The following ARHGAP25 variants were observed in gnomAD, a reference collection of about 807,000 sequenced individuals.
ARHGAP25 encodes Rho GTPase activating protein 25, also known as rho GTPase-activating protein 25.
ARHGAP25 carries 34 observed loss-of-function variants against 71.0 expected under a neutral mutation model. The observed-to-expected ratio is 0.48, with a 90% CI of 0.36 to 0.64. The LOEUF (loss-of-function observed/expected upper bound fraction) is 0.64, where lower values mean the gene tolerates loss of function less well. ARHGAP25 is among the 30% of genes least tolerant of loss of function. The pLI is 0.00. For synonymous variants in ARHGAP25, 282 were observed against 296.5 expected (o/e 0.95, Z 0.50); for missense variants, 706 against 805.1 (o/e 0.88, Z 1.49).
intron 4 of ARHGAP25, among the ~76,000 whole-genome samples, chr2:68,789,075 C>A (rs943401004): frequency 5.3e-5 from 8 of 151,892 alleles, no homozygotes; most frequent in African/African-American, 1.9e-4. Flanking sequence ...GTCTGTCGCC[C>A]AGGATGGAGT....
At chr2:68,776,675 A>G (rs1263968364) in intron 2 of ARHGAP25, among the ~76,000 whole-genome samples, 6 of 152,124 alleles carry the variant, frequency 3.9e-5, no homozygotes, top group African/African-American at 9.7e-5. Context: ...TTACGCCAGG[A>G]CCCCAGGTGC....
intron 2 of ARHGAP25, among the ~76,000 whole-genome samples, chr2:68,718,163 A>G (rs1052265602): frequency 4.0e-5 from 6 of 151,184 alleles, no homozygotes; most frequent in Admixed American, 2.0e-4. Context: ...AAAAAAAAGT[A>G]TCTTCTTTGC....
chr2:68,750,178 T>TG (rs1346612603), intron 1 of ARHGAP25, among the ~76,000 whole-genome samples: 3 of 149,960 alleles, frequency 2.0e-5, no homozygotes, highest in Non-Finnish European at 4.4e-5. Context: ...GGCTGATTTT[T>TG]TTTTTTTTCT....
At chr2:68,793,740 GTTTC>G (rs1437254908) in intron 4 of ARHGAP25, among the ~76,000 whole-genome samples, 1 of 151,746 alleles carries the variant, frequency 6.6e-6, no homozygotes, top group African/African-American at 2.4e-5. Flanking sequence ...TTTGCTTAGG[GTTTC>G]TTTGGCTATT....
intron 4 of ARHGAP25, among the ~76,000 whole-genome samples, chr2:68,789,983 G>GATT (rs79091177): frequency 0.011 from 1,732 of 151,946 alleles, 26 homozygotes; most frequent in Non-Finnish European, 0.012. Flanking sequence ...CAGCATCTCA[G>GATT]ATTATTATTA....
intron 2 of ARHGAP25, among the ~76,000 whole-genome samples, chr2:68,782,027 C>G (rs574082937): frequency 1.3e-5 from 2 of 152,148 alleles, no homozygotes; most frequent in Non-Finnish European, 2.9e-5. Flanking sequence ...CTCTGGGCAC[C>G]TGATTTGCTC....
intron 2 of ARHGAP25, among the ~76,000 whole-genome samples, chr2:68,714,478 A>G (rs972375585): frequency 5.3e-5 from 8 of 151,906 alleles, no homozygotes; most frequent in Non-Finnish European, 1.0e-4. Flanking sequence ...TCCTGTATCT[A>G]TCTCTTTCTT....
chr2:68,746,640 GT>G (rs1675828925), intron 1 of ARHGAP25, among the ~76,000 whole-genome samples: 1 of 151,890 alleles, frequency 6.6e-6, no homozygotes, highest in South Asian at 2.1e-4. Context: ...GCCCCTGACT[GT>G]GAAAAATGGA....
At chr2:68,790,092 G>A (rs988643697) in intron 4 of ARHGAP25, among the ~76,000 whole-genome samples, 7 of 152,112 alleles carry the variant, frequency 4.6e-5, no homozygotes, top group South Asian at 2.1e-4. Context: ...GGGTTTGAGC[G>A]ATTCTCCTAC....
chr2:68,823,367 T>G (rs1366456943), intron 10 of ARHGAP25, among the ~76,000 whole-genome samples: 1 of 152,098 alleles, frequency 6.6e-6, no homozygotes, highest in Non-Finnish European at 1.5e-5. Flanking sequence ...TGATGGCAAG[T>G]GCTGTGGAGA....
rs752121525 is a variant in ARHGAP25 at position 68,775,591 on chromosome 2, C to T, written c.261+171C>T. The T allele has an allele frequency of 8.0e-5, 84 of 1,044,586 alleles. 1 individual carries two copies. Among genetic ancestry groups the T allele is most frequent in the South Asian group, 7.2e-4 (53 of 73,916 alleles). 64.7% of individuals were successfully genotyped at this position (1,044,586 alleles called of 1,614,324 possible). A position where few individuals can be genotyped will look rare whatever the true frequency, so the allele number is the denominator to read the frequency against. On this transcript the variant is annotated intron_variant, in intron 2 of 10. Coordinates refer to ENST00000409202, the MANE Select transcript of ARHGAP25 (RefSeq NM_001007231.3). ...TTTTCTAGATACATAAACTGAGTTGCAAAGATGACAGAGTGGTCCTCCAGG... is the reference window on the plus strand; with the variant it reads ...TTTTCTAGATACATAAACTGAGTTGTAAAGATGACAGAGTGGTCCTCCAGG...
At chr2:68,721,316 T>C (rs1185274288) in intron 2 of ARHGAP25, among the ~76,000 whole-genome samples, 1 of 152,230 alleles carries the variant, frequency 6.6e-6, no homozygotes, top group Non-Finnish European at 1.5e-5. Context: ...TGTATATTTC[T>C]GAGCATTAGG....
intron 1 of ARHGAP25, among the ~76,000 whole-genome samples, chr2:68,755,983 A>C (rs1048496704): frequency 6.6e-6 from 1 of 152,258 alleles, no homozygotes; most frequent in Non-Finnish European, 1.5e-5. Flanking sequence ...CCCTTAAAAT[A>C]TAGCTCATAG....
intron 2 of ARHGAP25, among the ~76,000 whole-genome samples, chr2:68,716,260 G>A (rs1219174825): frequency 6.6e-6 from 1 of 152,194 alleles, no homozygotes; most frequent in Non-Finnish European, 1.5e-5. Flanking sequence ...TTGTTTCATT[G>A]TTTGCTTTTA....
At position 68,803,526 on chromosome 2, in the gene ARHGAP25, A is replaced by G. The variant is rs1203047496; in HGVS notation, c.467-3747A>G. Among the ~76,000 whole-genome samples, 5 of 152,140 alleles carry G rather than the reference A, an allele frequency of 3.3e-5. No homozygotes were observed. In the East Asian group the frequency reaches 7.7e-4, roughly 23 times the overall value. Reference sequence around the variant, plus strand: ...TATATGGTAAAGAGAAGGAAGGCAAATGTTGGTCATTTGCATGAGAACTGA... The same window carrying G: ...TATATGGTAAAGAGAAGGAAGGCAAGTGTTGGTCATTTGCATGAGAACTGA... On this transcript the variant is annotated intron_variant, in intron 4 of 10. Coordinates refer to ENST00000409202, the MANE Select transcript of ARHGAP25 (RefSeq NM_001007231.3).
chr2:68,743,859 G>A (rs1675661856), intron 1 of ARHGAP25, among the ~76,000 whole-genome samples: 1 of 152,126 alleles, frequency 6.6e-6, no homozygotes, highest in South Asian at 2.1e-4. Flanking sequence ...AGTAACCCTA[G>A]AATCAGGTCG....
chr2:68,799,967 T>C (rs1679852693), intron 4 of ARHGAP25, among the ~76,000 whole-genome samples: 1 of 152,184 alleles, frequency 6.6e-6, no homozygotes. Flanking sequence ...CGGTGGGAAC[T>C]GGGCTGTGGC....
At chr2:68,744,947 T>C (rs1415876118) in intron 1 of ARHGAP25, among the ~76,000 whole-genome samples, 3 of 152,160 alleles carry the variant, frequency 2.0e-5, no homozygotes, top group Non-Finnish European at 4.4e-5. Context: ...CAACTTTGTG[T>C]CTTCACAGAT....
At chr2:68,769,663 TCC>T (rs1677356096) in intron 1 of ARHGAP25, among the ~76,000 whole-genome samples, 2 of 152,122 alleles carry the variant, frequency 1.3e-5, no homozygotes, top group African/African-American at 2.4e-5. Flanking sequence ...CACAGGTGTC[TCC>T]ACTGACAAGG....
Sources: allele counts gnomAD v4.1 joint callset (sites outside exome capture counted in the v4.1 genomes callset), GRCh38; gene constraint gnomAD v4.1.1; transcripts MANE v1.5; gene names NCBI Gene and HGNC (gene_info 2026-07-23, HGNC 2026-07-21).